Variants in WWOX observed in about 807,000 individuals in gnomAD.
The protein encoded by WWOX is WW domain containing oxidoreductase, also known as WW domain-containing oxidoreductase.
In WWOX, 69 loss-of-function variants were observed where a neutral mutation model predicts 46.2. The ratio of observed to expected loss-of-function variants is 1.49; its 90% CI spans 1.23 to 1.82. The LOEUF (loss-of-function observed/expected upper bound fraction) is 1.82, where lower values mean the gene tolerates loss of function less well. Among genes scored for constraint, WWOX ranks in the 40% most tolerant of loss-of-function variants. The probability of loss-of-function intolerance (pLI) is 0.00; values close to 1 mark genes in which losing one functional copy is unlikely to be tolerated. For missense variants in WWOX, 919 were observed against 542.6 expected, an observed-to-expected ratio of 1.69 and a Z score of -6.89; for synonymous variants, 359 against 202.6, an observed-to-expected ratio of 1.77 and a Z score of -6.56.
intron 8 of WWOX, among the ~76,000 whole-genome samples, chr16:78,638,034 C>G (rs1031158849): frequency 2.0e-5 from 3 of 152,198 alleles, no homozygotes; most frequent in Admixed American, 6.5e-5. Flanking sequence ...GGGAAGCTTG[C>G]TCACATCATC....
intron 4 of WWOX, among the ~76,000 whole-genome samples, chr16:78,162,182 T>G (rs928403780): frequency 2.0e-5 from 3 of 152,224 alleles, no homozygotes; most frequent in African/African-American, 4.8e-5. Flanking sequence ...CTTAAAATTT[T>G]TGTTCTCTGC....
intron 8 of WWOX, among the ~76,000 whole-genome samples, chr16:78,717,433 T>C (rs11860374): frequency 0.03 from 4,639 of 152,296 alleles, 231 homozygotes; most frequent in African/African-American, 0.11. Flanking sequence ...TGTTCATTGC[T>C]ATGGCTTTAG....
intron 8 of WWOX, among the ~76,000 whole-genome samples, chr16:78,728,057 T>TCCTTCC (rs747086727): frequency 2.1e-5 from 1 of 46,684 alleles, no homozygotes; most frequent in African/African-American, 7.0e-5. Context: ...CCTCCTTCCT[T>TCCTTCC]TTTTTTTTTT....
intron 8 of WWOX, among the ~76,000 whole-genome samples, chr16:79,184,734 A>C (rs958969150): frequency 2.8e-4 from 43 of 152,220 alleles, no homozygotes; most frequent in African/African-American, 9.2e-4. Context: ...CTAGGAAGAC[A>C]AATAGCCAAG....
chr16:78,368,645 T>C (rs1382768773), intron 5 of WWOX, among the ~76,000 whole-genome samples: 2 of 152,248 alleles, frequency 1.3e-5, no homozygotes, highest in East Asian at 3.8e-4. Flanking sequence ...CATGCCATCG[T>C]GAAGTGGCTT....
chr16:79,178,347 C>T (rs1174930299), intron 8 of WWOX, among the ~76,000 whole-genome samples: 2 of 152,276 alleles, frequency 1.3e-5, no homozygotes, highest in Middle Eastern at 3.4e-3. Context: ...GATAGGGTCT[C>T]ACTGTGTCAC....
intron 8 of WWOX, among the ~76,000 whole-genome samples, chr16:78,883,062 G>C (rs538662643): frequency 6.6e-6 from 1 of 152,144 alleles, no homozygotes; most frequent in African/African-American, 2.4e-5. Context: ...TTAGCGGTTC[G>C]CCTTTCATTT....
At chr16:78,987,062 G>T (rs1354730817) in intron 8 of WWOX, among the ~76,000 whole-genome samples, 2 of 152,110 alleles carry the variant, frequency 1.3e-5, no homozygotes, top group Admixed American at 6.5e-5. Context: ...AGGACACAGC[G>T]CCATGGTTAT....
intron 8 of WWOX, among the ~76,000 whole-genome samples, chr16:78,903,000 C>T (rs945579588): frequency 6.6e-6 from 1 of 152,156 alleles, no homozygotes; most frequent in Admixed American, 6.5e-5. Context: ...TGTCCGGGTT[C>T]TTGGCATTTT....
chr16:78,647,626 C>T (rs1308680362), intron 8 of WWOX, among the ~76,000 whole-genome samples: 1 of 152,182 alleles, frequency 6.6e-6, no homozygotes, highest in African/African-American at 2.4e-5. Flanking sequence ...GCTACCATTT[C>T]CTGAGGGCAT....
chr16:78,882,528 G>A lies in WWOX; in HGVS notation c.1057-329080G>A, dbSNP rs190163016. 5.8e-3 allele frequency among the ~76,000 whole-genome samples: 864 copies of A among 149,672 alleles called. 3 individuals are homozygous for A. The highest frequency in any genetic ancestry group is 7.0e-3 in the Non-Finnish European group (474 of 67,684). ...GTCTCACTCTGTCACCCAGGCTGGCGTGCATTGGTGGGATCTCAGCTCACT... is the reference window on the plus strand; with the variant it reads ...GTCTCACTCTGTCACCCAGGCTGGCATGCATTGGTGGGATCTCAGCTCACT... On this transcript the variant is annotated intron_variant, in intron 8 of 8. Coordinates refer to ENST00000566780, the MANE Select transcript of WWOX (RefSeq NM_016373.4).
intron 8 of WWOX, among the ~76,000 whole-genome samples, chr16:78,790,935 C>A (rs553492824): frequency 3.4e-5 from 5 of 145,826 alleles, no homozygotes; most frequent in Non-Finnish European, 7.4e-5. Flanking sequence ...GGGAGGATCA[C>A]CTGAGCCCAG....
intron 8 of WWOX, among the ~76,000 whole-genome samples, chr16:79,143,681 T>G (rs1230186665): frequency 6.6e-6 from 1 of 152,178 alleles, no homozygotes; most frequent in East Asian, 1.9e-4. Context: ...CCCTATGTCT[T>G]GTGTGTGGTG....
At chr16:78,265,009 T>C (rs1228120183) in intron 5 of WWOX, 4 of 145,224 alleles carry the variant, frequency 2.8e-5, no homozygotes, top group African/African-American at 1.0e-4. Context: ...TTCTTTTTTT[T>C]TTTTTTTTTC....
At chr16:78,297,607 A>T (rs533390638) in intron 5 of WWOX, among the ~76,000 whole-genome samples, 2 of 152,282 alleles carry the variant, frequency 1.3e-5, no homozygotes, top group East Asian at 3.9e-4. Context: ...CCATTTTTTT[A>T]ACTCTTAAAA....
At chr16:78,299,521 CT>C (rs997647456) in intron 5 of WWOX, among the ~76,000 whole-genome samples, 254 of 141,720 alleles carry the variant, frequency 1.8e-3, no homozygotes, top group South Asian at 2.3e-3. Flanking sequence ...CTTTTCTTTT[CT>C]TTTTTTTTTT....
At chr16:78,484,439 A>G (rs1392244793) in intron 8 of WWOX, among the ~76,000 whole-genome samples, 2 of 152,168 alleles carry the variant, frequency 1.3e-5, no homozygotes, top group Non-Finnish European at 2.9e-5. Context: ...TGTTTAAGAT[A>G]CCCTACCTGA....
chr16:78,571,525 C>A (rs746833358), intron 8 of WWOX, among the ~76,000 whole-genome samples: 1 of 152,096 alleles, frequency 6.6e-6, no homozygotes, highest in African/African-American at 2.4e-5. Flanking sequence ...ACAAACTGTC[C>A]TATAAAGAAT....
At position 78,671,500 on chromosome 16, in the gene WWOX, T is replaced by C. The variant is rs578036609; in HGVS notation, c.1056+238748T>C. Among the ~76,000 whole-genome samples the C allele has an allele frequency of 7.2e-5, 11 of 152,314 alleles. 1 individual carries two copies. The South Asian group carries it at 2.3e-3, about 32-fold the overall frequency. ...TGCCTGTGGCCCTAGGAAACCAGTA[T>C]AGATAACTTGTGATGGTTTAGCTTA... On this transcript the variant is annotated intron_variant, in intron 8 of 8. Coordinates refer to ENST00000566780, the MANE Select transcript of WWOX (RefSeq NM_016373.4).
Sources: gnomAD v4.1 joint callset for allele counts (sites outside exome capture counted in the v4.1 genomes callset) on GRCh38, gnomAD v4.1.1 for gene constraint, MANE v1.5 for transcripts, NCBI Gene and HGNC (gene_info 2026-07-23, HGNC 2026-07-21) for gene names.